INPP4A: variants seen among roughly 807,000 people sequenced by gnomAD.
INPP4A encodes the protein inositol polyphosphate-4-phosphatase, type I, 107kD.
Under a neutral mutation model 119.8 loss-of-function variants are expected in INPP4A, and 33 were observed. That is an observed-to-expected ratio of 0.28 (90% CI 0.21 to 0.37). The LOEUF is 0.37. INPP4A is among the 10% of genes least tolerant of loss of function. INPP4A has a pLI of 1.00. For missense variants in INPP4A, 956 were observed against 1,289.9 expected (o/e 0.74, Z 3.97); for synonymous variants, 496 against 500.7 (o/e 0.99, Z 0.12).
chr2:98,472,651 G>A (rs1469641775), intron 1 of INPP4A, among the ~76,000 whole-genome samples: 1 of 152,260 alleles, frequency 6.6e-6, no homozygotes, highest in Non-Finnish European at 1.5e-5. Context: ...CCCCAGCCCA[G>A]GGCTCACTGA....
intron 1 of INPP4A, among the ~76,000 whole-genome samples, chr2:98,489,387 A>G (rs1245543227): frequency 6.6e-6 from 1 of 152,094 alleles, no homozygotes; most frequent in Non-Finnish European, 1.5e-5. Context: ...GATAAAACTG[A>G]CAAGGCTGCA....
Position 98,508,764 on chromosome 2 carries a change from A to G in INPP4A, c.-165-10200A>G, listed in dbSNP as rs112125725. Among the ~76,000 whole-genome samples the G allele has an allele frequency of 3.7e-3, 570 of 152,294 alleles. 6 individuals carry two copies. Among genetic ancestry groups the G allele is most frequent in the African/African-American group, 0.013 (551 of 41,550 alleles). ...TCAAAGTCCTTGCCTGTTGTAGGAG[A>G]GAGAACCGCGCTGCTCCTGGTGCAC... On this transcript the variant is annotated intron_variant, in intron 1 of 24. Transcript: ENST00000409851.
At chr2:98,484,042 C>T (rs1457790185) in intron 1 of INPP4A, among the ~76,000 whole-genome samples, 1 of 152,150 alleles carries the variant, frequency 6.6e-6, no homozygotes, top group Admixed American at 6.5e-5. Context: ...GAGGTCCTTT[C>T]TCTGCATGTC....
chr2:98,495,951 T>C (rs1163557444), intron 1 of INPP4A, among the ~76,000 whole-genome samples: 1 of 152,260 alleles, frequency 6.6e-6, no homozygotes, highest in African/African-American at 2.4e-5. Flanking sequence ...CAAATAAATA[T>C]ATTTTGGAGT....
intron 1 of INPP4A, among the ~76,000 whole-genome samples, chr2:98,448,046 C>CAAAAAAA: frequency 1.6e-5 from 1 of 64,202 alleles, no homozygotes; most frequent in Non-Finnish European, 3.1e-5. Flanking sequence ...GACTCTGTCT[C>CAAAAAAA]AAAAAAAAAA....
In INPP4A at chr2:98,566,674, G is replaced by A. The variant is rs1029367043; in HGVS notation, c.2420+505G>A. On this transcript the variant is annotated intron_variant, in intron 21 of 24. Transcript: ENST00000409851. The surrounding 1 kb of genome is among the most constrained non-coding windows in gnomAD (Gnocchi z 4.2). ...GTAGACAGGCTCTGTGTGCCAGGCT[G>A]AGACTCATGCCTGAACCTAAAGGCA... Among the ~76,000 whole-genome samples, 5 of 152,170 alleles carry A rather than the reference G, an allele frequency of 3.3e-5. No homozygotes were observed. Among genetic ancestry groups the A allele is most frequent in the African/African-American group, 1.2e-4 (5 of 41,416 alleles).
intron 1 of INPP4A, among the ~76,000 whole-genome samples, chr2:98,462,738 A>G (rs1365737258): frequency 6.6e-6 from 1 of 151,936 alleles, no homozygotes; most frequent in Non-Finnish European, 1.5e-5. Context: ...CTAGGCTGGT[A>G]TTGAACTCCT....
chr2:98,512,673 G>A (rs1026951036), intron 1 of INPP4A, among the ~76,000 whole-genome samples: 3 of 152,172 alleles, frequency 2.0e-5, no homozygotes, highest in African/African-American at 4.8e-5. Flanking sequence ...CAGAGTCCTC[G>A]TGTCCTAATC....
chr2:98,579,161 T>C (rs1698903397), intron 24 of INPP4A, among the ~76,000 whole-genome samples: 1 of 152,162 alleles, frequency 6.6e-6, no homozygotes, highest in Non-Finnish European at 1.5e-5. Context: ...TAAGCAATTC[T>C]GCCCTTGCCT....
At chr2:98,508,391 C>T (rs773761612) in intron 1 of INPP4A, among the ~76,000 whole-genome samples, 2 of 152,230 alleles carry the variant, frequency 1.3e-5, no homozygotes, top group African/African-American at 2.4e-5. Context: ...GTTCATGCTC[C>T]ACAGTCTTCC....
chr2:98,546,792 G>T lies in INPP4A; in HGVS notation c.1163+98G>T. On this transcript the variant is annotated intron_variant, in intron 13 of 24. Transcript: ENST00000409851. The surrounding 1 kb of genome is among the most constrained non-coding windows in gnomAD (Gnocchi z 4.2). ...CAAAATATGACCGCAAAAACACCCAGCCATCTGATCTGCTTTTGCGTGGCA... is the reference window on the plus strand; with the variant it reads ...CAAAATATGACCGCAAAAACACCCATCCATCTGATCTGCTTTTGCGTGGCA... 1 of 784,654 alleles carries T rather than the reference G, an allele frequency of 1.3e-6. No individual in the cohort carries two copies. The allele number at this position is 784,654 out of a possible 1,614,324, so 48.6% of individuals were successfully genotyped here. A position where few individuals can be genotyped will look rare whatever the true frequency, so the allele number is the denominator to read the frequency against.
At position 98,502,899 on chromosome 2, in the gene INPP4A, GT is replaced by G. The variant is rs1322509357; in HGVS notation, c.-165-16060del. On this transcript the variant is annotated intron_variant, in intron 1 of 24. Transcript: ENST00000409851. ...CCAAGTGGTTTTAGTTTCTTTTGTTGTTTTTGAGTTATTGGATTTTATTTTA... is the reference window on the plus strand; with the variant it reads ...CCAAGTGGTTTTAGTTTCTTTTGTTGTTTTGAGTTATTGGATTTTATTTTA... 2.6e-5 allele frequency among the ~76,000 whole-genome samples: 4 copies of G among 152,140 alleles called. No homozygotes were observed. The East Asian group carries it at 7.7e-4, about 29-fold the overall frequency.
chr2:98,558,719 T>G (rs957936954), intron 16 of INPP4A, among the ~76,000 whole-genome samples: 1 of 152,258 alleles, frequency 6.6e-6, no homozygotes, highest in Non-Finnish European at 1.5e-5. Flanking sequence ...CAAACTTGTT[T>G]TCTCTTAGAT....
chr2:98,543,032 G>A (rs2106047737), intron 10 of INPP4A, among the ~76,000 whole-genome samples: 1 of 151,948 alleles, frequency 6.6e-6, no homozygotes, highest in South Asian at 2.1e-4. Context: ...CCATTCTCCT[G>A]CCTCAGCCTT....
intron 24 of INPP4A, among the ~76,000 whole-genome samples, chr2:98,578,242 A>T (rs1044815378): frequency 1.4e-4 from 22 of 152,322 alleles, no homozygotes; most frequent in African/African-American, 5.1e-4. Flanking sequence ...CCTTGGTGCC[A>T]TTCAGGCCTG....
intron 23 of INPP4A, among the ~76,000 whole-genome samples, chr2:98,573,160 T>G (rs1697787351): frequency 6.6e-6 from 1 of 152,140 alleles, no homozygotes; most frequent in Non-Finnish European, 1.5e-5. Context: ...TCTTGGGGCA[T>G]TTACTAGCCA....
intron 1 of INPP4A, among the ~76,000 whole-genome samples, chr2:98,507,568 C>T (rs1301641931): frequency 2.0e-5 from 3 of 152,110 alleles, no homozygotes; most frequent in Admixed American, 6.5e-5. Context: ...CATGCTACAA[C>T]GTGACCCCCA....
rs377256368 is a variant in INPP4A, at chr2:98,563,514, C to T, written c.1905C>T (p.Cys635=). The change falls in exon 18 of 25, where the codon TGC becomes TGT. Residue 635 remains cysteine (C), a synonymous_variant. Transcript: ENST00000409851. ...CGCTGCTGACCACTCTCACCGACTG[C>T]GTGGCCATGATGAGTGACAAGGCCA... The part of the protein sequence containing the change: ...LYPLLTTLTD[C]VAMMSDKAKK... The T allele has an allele frequency of 4.3e-5, 69 of 1,613,806 alleles. 1 individual carries two copies. Among genetic ancestry groups the T allele is most frequent in the Admixed American group, 3.3e-4 (20 of 60,000 alleles).
intron 4 of INPP4A, among the ~76,000 whole-genome samples, chr2:98,532,283 AG>A (rs2105905178): frequency 6.6e-6 from 1 of 151,110 alleles, no homozygotes; most frequent in South Asian, 2.1e-4. Flanking sequence ...CATTTTTGTT[AG>A]TGTCTTCCTT....
Sources: gnomAD v4.1 joint callset for allele counts (sites outside exome capture counted in the v4.1 genomes callset) on GRCh38, gnomAD v4.1.1 for gene constraint, Gnocchi (gnomAD v3.1) non-coding constraint, MANE v1.5 for transcripts, NCBI Gene and HGNC (gene_info 2026-07-23, HGNC 2026-07-21) for gene names.